Variants in LMBRD1 observed in about 807,000 individuals in gnomAD.
The protein encoded by LMBRD1 is LMBR1 domain containing 1.
A neutral mutation model predicts 74.8 loss-of-function variants in LMBRD1; 64 were observed. That is an observed-to-expected ratio of 0.86 (90% CI 0.70 to 1.05). The LOEUF is 1.05. Ranked by LOEUF, LMBRD1 falls within the 50% of genes least tolerant of loss-of-function variation. The pLI is 0.00. For synonymous variants in LMBRD1, 204 were observed against 216.3 expected (o/e 0.94, Z 0.50); for missense variants, 652 against 645.9 (o/e 1.01, Z -0.10).
intron 9 of LMBRD1, among the ~76,000 whole-genome samples, chr6:69,713,012 G>A (rs936808125): frequency 6.6e-6 from 1 of 152,074 alleles, no homozygotes; most frequent in Non-Finnish European, 1.5e-5. Context: ...ACTATGTGCA[G>A]TTTTAAAAGA....
chr6:69,686,387 G>A (rs1250883085), intron 14 of LMBRD1, among the ~76,000 whole-genome samples: 1 of 151,892 alleles, frequency 6.6e-6, no homozygotes, highest in Non-Finnish European at 1.5e-5. Context: ...AACCAGCTGC[G>A]GTGCTCAGAA....
rs188746647 is a variant in LMBRD1, at chr6:69,690,502, T to C, written c.1417+7061A>G. On this transcript the variant is annotated intron_variant, in intron 14 of 15. Transcript: ENST00000649934. ...TTCAGTAAGATTCCATATGAAATATTAGATTTACAAACAACTTTTGGTAAT... is the reference window on the plus strand; with the variant it reads ...TTCAGTAAGATTCCATATGAAATATCAGATTTACAAACAACTTTTGGTAAT... Among the ~76,000 whole-genome samples, 6 of 152,308 alleles carry C rather than the reference T, an allele frequency of 3.9e-5. No individual in the cohort carries two copies. The East Asian group carries it at 5.8e-4, about 15-fold the overall frequency.
intron 1 of LMBRD1, 191 bp from the exon 2 acceptor site, chr6:69,790,663 T>C: frequency 1.7e-6 from 1 of 605,678 alleles, no homozygotes; most frequent in Non-Finnish European, 3.0e-6. Flanking sequence ...ATGAATGCAG[T>C]ACATCACGTA....
intron 14 of LMBRD1, among the ~76,000 whole-genome samples, chr6:69,685,790 G>A (rs985419013): frequency 5.3e-5 from 8 of 152,154 alleles, no homozygotes; most frequent in African/African-American, 1.9e-4. Context: ...GACAAGCGAG[G>A]CTCCGTCTCA....
Position 69,796,887 on chromosome 6 carries a change from C to T in LMBRD1, c.-6G>A, listed in dbSNP as rs1157189768. The T allele has an allele frequency of 1.9e-6, 3 of 1,613,640 alleles. No individual in the cohort carries two copies. The South Asian group carries it at 3.3e-5, about 18-fold the overall frequency. ...GCCGCGCCAGAAGTCGCCATCTTCGCTTCCGGTCCAGACCAACCTGAGCGC... is the reference window on the plus strand; with the variant it reads ...GCCGCGCCAGAAGTCGCCATCTTCGTTTCCGGTCCAGACCAACCTGAGCGC... On this transcript the variant is annotated 5_prime_UTR_variant, in exon 1 of 16. Transcript: ENST00000649934.
intron 14 of LMBRD1, among the ~76,000 whole-genome samples, chr6:69,692,611 T>A (rs529876012): frequency 6.6e-6 from 1 of 152,270 alleles, no homozygotes; most frequent in African/African-American, 2.4e-5. Flanking sequence ...TTATGCCTGG[T>A]TAATACAGGT....
At chr6:69,738,209 T>C (rs1767017342) in intron 6 of LMBRD1, among the ~76,000 whole-genome samples, 194 bp from the exon 7 acceptor site, 1 of 152,154 alleles carries the variant, frequency 6.6e-6, no homozygotes. Context: ...AATTGATTTG[T>C]AAAAAATCTT....
At chr6:69,678,918 A>G (rs3823079) in intron 14 of LMBRD1, among the ~76,000 whole-genome samples, 51,445 of 151,802 alleles carry the variant, frequency 0.34, 9,781 homozygotes, top group East Asian at 0.54. Flanking sequence ...AAAGCTTCAG[A>G]TATGTGATGT....
At chr6:69,709,724 G>GAGTA (rs1766342034) in intron 9 of LMBRD1, among the ~76,000 whole-genome samples, 1 of 152,124 alleles carries the variant, frequency 6.6e-6, no homozygotes, top group East Asian at 1.9e-4. Context: ...CAGGATATAA[G>GAGTA]AGTAAGATAC....
intron 1 of LMBRD1, among the ~76,000 whole-genome samples, chr6:69,795,801 T>C (rs1766212843): frequency 1.3e-5 from 2 of 152,234 alleles, no homozygotes; most frequent in South Asian, 4.1e-4. Flanking sequence ...TTTCTTTTTT[T>C]AGTCTCTACT....
intron 14 of LMBRD1, among the ~76,000 whole-genome samples, chr6:69,695,877 C>T (rs1168536387): frequency 6.7e-6 from 1 of 148,430 alleles, no homozygotes; most frequent in Admixed American, 6.8e-5. Flanking sequence ...AGAGTCTTGC[C>T]CTGTCGCCTG....
At chr6:69,756,310 C>A (rs935234989) in intron 3 of LMBRD1, among the ~76,000 whole-genome samples, 1 of 151,318 alleles carries the variant, frequency 6.6e-6, no homozygotes, top group Non-Finnish European at 1.5e-5. Context: ...TTGCAGTAAG[C>A]CCAATTCGCG....
intron 6 of LMBRD1, 49 bp downstream of exon 6, chr6:69,741,740 G>A: frequency 8.9e-7 from 1 of 1,123,534 alleles, no homozygotes. Context: ...AAAGTCCAAA[G>A]TATCAGGAAA....
chr6:69,719,017 C>T lies in LMBRD1; in HGVS notation c.701G>A (p.Arg234His), dbSNP rs1206207055. 5 of 1,612,938 alleles carry T rather than the reference C, an allele frequency of 3.1e-6. No homozygotes were observed. Among genetic ancestry groups the T allele is most frequent in the Non-Finnish European group, 4.2e-6 (5 of 1,179,282 alleles). Residue 234 changes from arginine (R) to histidine (H), a missense_variant, in exon 8 of 16, where the codon CGT becomes CAT. Physicochemically the swap from Arg to His is conservative, Grantham distance 29. Coordinates refer to ENST00000649934, the MANE Select transcript of LMBRD1 (RefSeq NM_018368.4). ...IKGTRSAAYE[R>H]LENTEDIEEV... Reference sequence around the variant, plus strand: ...TTCAATGTCTTCAGTGTTTTCCAAACGTTCATAAGCAGCGCTTCTAGTGCC... The same window carrying T: ...TTCAATGTCTTCAGTGTTTTCCAAATGTTCATAAGCAGCGCTTCTAGTGCC...
intron 9 of LMBRD1, among the ~76,000 whole-genome samples, chr6:69,712,452 T>TTA (rs1766404148): frequency 1.3e-5 from 2 of 151,094 alleles, no homozygotes; most frequent in Non-Finnish European, 3.0e-5. Flanking sequence ...TTTTTTTTTT[T>TTA]AAAGTCATTT....
chr6:69,794,769 T>C (rs909569354), intron 1 of LMBRD1, among the ~76,000 whole-genome samples: 2 of 152,244 alleles, frequency 1.3e-5, no homozygotes, highest in African/African-American at 4.8e-5. Flanking sequence ...TATTTTGATA[T>C]TGTGTAATGA....
chr6:69,751,175 C>A (rs980813944), intron 4 of LMBRD1, among the ~76,000 whole-genome samples: 4 of 152,034 alleles, frequency 2.6e-5, no homozygotes, highest in African/African-American at 9.7e-5. Flanking sequence ...GAGACAGGCC[C>A]AACTCGGTTA....
intron 5 of LMBRD1, among the ~76,000 whole-genome samples, chr6:69,743,450 C>A (rs1767150472): frequency 6.6e-6 from 1 of 152,082 alleles, no homozygotes; most frequent in Non-Finnish European, 1.5e-5. Flanking sequence ...ATGTTCAACT[C>A]CTGAGCAGAA....
rs146188716 is a variant in LMBRD1, at chr6:69,741,680, C to T, written c.562+109G>A. On this transcript the variant is annotated intron_variant, in intron 6 of 15. Transcript: ENST00000649934. ...CTAGGATTACAGGCATGAGCCACCA[C>T]GCCCAGCTGGGGTTAAATTCTTAAC... 7.4e-4 allele frequency: 514 copies of T among 697,676 alleles called. 4 individuals are homozygous for T. In the African/African-American group the frequency reaches 8.2e-3, roughly 11 times the overall value. 43.2% of individuals were successfully genotyped at this position (697,676 alleles called of 1,614,324 possible). A position where few individuals can be genotyped will look rare whatever the true frequency, so the allele number is the denominator to read the frequency against.
Sources: allele counts gnomAD v4.1 joint callset (sites outside exome capture counted in the v4.1 genomes callset), GRCh38; gene constraint gnomAD v4.1.1; transcripts MANE v1.5; gene names NCBI Gene and HGNC (gene_info 2026-07-23, HGNC 2026-07-21).